Variants in MIB1 observed in about 807,000 individuals in gnomAD.
The protein encoded by MIB1 is MIB E3 ubiquitin protein ligase 1, also known as E3 ubiquitin-protein ligase MIB1.
A neutral mutation model predicts 124.5 loss-of-function variants in MIB1; 278 were observed. The ratio of observed to expected loss-of-function variants is 2.23; its 90% confidence interval spans 2.02 to 2.47. MIB1 has a LOEUF of 2.47. MIB1 is among the 30% of genes most tolerant of loss of function. The pLI, the probability that MIB1 is intolerant of heterozygous loss-of-function variation, is 0.00. For missense variants in MIB1, 957 were observed against 1,254.4 expected (o/e 0.76, Z 3.58); for synonymous variants, 446 against 429.4 (o/e 1.04, Z -0.48).
At chr18:21,733,319 T>C in intron 1 of MIB1, among the ~76,000 whole-genome samples, 1 of 152,112 alleles carries the variant, frequency 6.6e-6, no homozygotes, top group East Asian at 1.9e-4. Context: ...TTTGTGGGGG[T>C]TCATACTTTC....
intron 1 of MIB1, among the ~76,000 whole-genome samples, chr18:21,749,641 C>CTT (rs10653364): frequency 7.8e-4 from 89 of 114,560 alleles, no homozygotes; most frequent in Admixed American, 1.3e-3. Flanking sequence ...CTACCTTACT[C>CTT]TTTTTTTTTT....
chr18:21,863,060 CCT>C, intron 20 of MIB1, among the ~76,000 whole-genome samples: 1 of 152,162 alleles, frequency 6.6e-6, no homozygotes, highest in Non-Finnish European at 1.5e-5. Flanking sequence ...TTTCTCAACC[CCT>C]TTGTCATACT....
chr18:21,793,813 G>T (rs77232812), intron 7 of MIB1: 1 of 92,626 alleles, frequency 1.1e-5, no homozygotes, highest in Non-Finnish European at 2.5e-5. Flanking sequence ...AAAAAAAAAA[G>T]GCATATCAGA....
At chr18:21,723,620 A>G (rs1385377773) in intron 1 of MIB1, among the ~76,000 whole-genome samples, 1 of 151,990 alleles carries the variant, frequency 6.6e-6, no homozygotes, top group Non-Finnish European at 1.5e-5. Flanking sequence ...GGTTCAAGCA[A>G]TTCTTCTGCC....
chr18:21,816,211 CGTT>C (rs2146475430), intron 11 of MIB1, among the ~76,000 whole-genome samples: 1 of 152,058 alleles, frequency 6.6e-6, no homozygotes, highest in South Asian at 2.1e-4. Context: ...TTTGAATAGT[CGTT>C]AGTGTAATCT....
At chr18:21,746,047 T>TA (rs558758406) in intron 1 of MIB1, among the ~76,000 whole-genome samples, 95 of 151,810 alleles carry the variant, frequency 6.3e-4, no homozygotes, top group Middle Eastern at 3.2e-3. Context: ...GTACTTAATT[T>TA]AAAAAAAAGC....
chr18:21,792,505 C>CG (rs2041518304), intron 7 of MIB1, among the ~76,000 whole-genome samples: 1 of 152,186 alleles, frequency 6.6e-6, no homozygotes, highest in African/African-American at 2.4e-5. Flanking sequence ...GCCCTTCTGT[C>CG]CTTTCTGCCT....
intron 1 of MIB1, among the ~76,000 whole-genome samples, chr18:21,716,766 G>A (rs1483928069): frequency 6.6e-6 from 1 of 152,132 alleles, no homozygotes. Context: ...GCAGGAGAAT[G>A]GCGTGAAGCC....
At chr18:21,763,292 C>T (rs2041119809) in intron 1 of MIB1, among the ~76,000 whole-genome samples, 1 of 152,040 alleles carries the variant, frequency 6.6e-6, no homozygotes, top group South Asian at 2.1e-4. Context: ...AGCAGTTTTA[C>T]CATATTGTAT....
intron 18 of MIB1, among the ~76,000 whole-genome samples, chr18:21,856,374 A>G (rs1277370258): frequency 6.6e-6 from 1 of 152,200 alleles, no homozygotes; most frequent in Non-Finnish European, 1.5e-5. Context: ...TGTAAATCAA[A>G]TATTAGAAAG....
At chr18:21,808,779 A>G (rs2041737655) in intron 10 of MIB1, among the ~76,000 whole-genome samples, 1 of 152,014 alleles carries the variant, frequency 6.6e-6, no homozygotes, top group Non-Finnish European at 1.5e-5. Context: ...TCTGCCGTGG[A>G]CTCTATTTTT....
At chr18:21,737,448 C>G (rs866102452), upstream of MIB1, among the ~76,000 whole-genome samples, 2 of 152,104 alleles carry the variant, frequency 1.3e-5, no homozygotes, top group Non-Finnish European at 2.9e-5. Context: ...AGACCATCGA[C>G]GCTATGAAGA....
At chr18:21,791,644 G>C (rs943068535) in intron 7 of MIB1, 87 bp downstream of exon 7, 5 of 1,113,264 alleles carry the variant, frequency 4.5e-6, no homozygotes, top group Non-Finnish European at 5.1e-6. Context: ...AATTAAATTG[G>C]CATAAAACTT....
At chr18:21,864,319 C>T (rs893073628) in intron 20 of MIB1, among the ~76,000 whole-genome samples, 2 of 152,036 alleles carry the variant, frequency 1.3e-5, no homozygotes, top group Non-Finnish European at 2.9e-5. Flanking sequence ...TAGTACCTTT[C>T]ATACTATCCT....
chr18:21,830,876 A>G (rs138516619), intron 12 of MIB1: 1 of 151,736 alleles, frequency 6.6e-6, no homozygotes, highest in Non-Finnish European at 1.5e-5. Context: ...CCCTTTACCA[A>G]AAACAAAAAC....
At chr18:21,851,881 G>A (rs969505872) in intron 17 of MIB1, among the ~76,000 whole-genome samples, 3 of 152,004 alleles carry the variant, frequency 2.0e-5, no homozygotes, top group Non-Finnish European at 4.4e-5. Flanking sequence ...TCTTATAATA[G>A]CGGAATAGGT....
intron 15 of MIB1, 112 bp downstream of exon 15, chr18:21,844,365 G>A (rs1177020723): frequency 8.8e-7 from 1 of 1,142,132 alleles, no homozygotes; most frequent in African/African-American, 1.6e-5. Context: ...TCAGAGCTAT[G>A]TACTTAGAAA....
At chr18:21,809,416 C>T (rs1457337796) in intron 10 of MIB1, among the ~76,000 whole-genome samples, 1 of 151,942 alleles carries the variant, frequency 6.6e-6, no homozygotes, top group Non-Finnish European at 1.5e-5. Context: ...TCTAAAAAGC[C>T]AGCAAAACCA....
intron 8 of MIB1, among the ~76,000 whole-genome samples, chr18:21,798,674 T>C (rs2041614310): frequency 6.6e-6 from 1 of 152,090 alleles, no homozygotes; most frequent in South Asian, 2.1e-4. Flanking sequence ...ATTTTTTCTC[T>C]TACCATTTAA....
Sources: allele counts gnomAD v4.1 joint callset (sites outside exome capture counted in the v4.1 genomes callset), GRCh38; gene constraint gnomAD v4.1.1; transcripts MANE v1.5; gene names NCBI Gene and HGNC (gene_info 2026-07-23, HGNC 2026-07-21).